LYPLA1: variants seen among roughly 807,000 people sequenced by gnomAD.
LYPLA1 encodes the protein acyl-protein thioesterase 1.
In LYPLA1, 17 loss-of-function variants were observed where a neutral mutation model predicts 34.0. The observed-to-expected ratio is 0.50, with a 90% confidence interval of 0.34 to 0.75. The LOEUF is 0.75. LYPLA1 is among the 30% of genes least tolerant of loss of function. LYPLA1 has a pLI of 0.01. For synonymous variants in LYPLA1, 98 were observed against 100.8 expected, an observed-to-expected ratio of 0.97 and a Z score of 0.17; for missense variants, 203 against 288.8, an observed-to-expected ratio of 0.70 and a Z score of 2.15.
At chr8:54,055,950 T>G (rs1355014996) in intron 5 of LYPLA1, among the ~76,000 whole-genome samples, 1 of 152,086 alleles carries the variant, frequency 6.6e-6, no homozygotes, top group African/African-American at 2.4e-5. Context: ...CCCCTAAAAT[T>G]TATATGGAAT....
At chr8:54,092,186 GGGA>G (rs955935395) in intron 2 of LYPLA1, among the ~76,000 whole-genome samples, 3 of 151,048 alleles carry the variant, frequency 2.0e-5, no homozygotes, top group Admixed American at 1.3e-4. Context: ...CGAAGTCAGG[GGGA>G]GGAGGAGGAG....
rs974921561 is a variant in LYPLA1 at position 54,070,380 on chromosome 8, C to T, written c.102-4567G>A. ...CAAATGTTCTTTTTTAGCAGTATTA[C>T]GCAACTTCAAGGTGCAAACAACCCA... On this transcript the variant is annotated intron_variant, in intron 2 of 8. Transcript: ENST00000316963. 6.6e-5 allele frequency among the ~76,000 whole-genome samples: 10 copies of T among 152,076 alleles called. No homozygotes were observed. In the East Asian group the frequency reaches 9.6e-4, roughly 15 times the overall value.
intron 7 of LYPLA1, 64 bp downstream of exon 7, chr8:54,052,591 C>G: frequency 9.7e-7 from 1 of 1,028,282 alleles, no homozygotes; most frequent in South Asian, 1.4e-5. Context: ...GACTTTATCT[C>G]CAACAATATC....
downstream of LYPLA1, among the ~76,000 whole-genome samples, chr8:54,043,820 CAA>C (rs1380952049): frequency 6.6e-6 from 1 of 152,146 alleles, no homozygotes; most frequent in Non-Finnish European, 1.5e-5. Context: ...CTTGGCCTCT[CAA>C]AGTGCTGGGA....
At chr8:54,065,307 A>T (rs1806968403) in intron 3 of LYPLA1, among the ~76,000 whole-genome samples, 1 of 151,976 alleles carries the variant, frequency 6.6e-6, no homozygotes, top group Non-Finnish European at 1.5e-5. Context: ...AACATACAAA[A>T]ATTAGCTGGG....
intron 4 of LYPLA1, among the ~76,000 whole-genome samples, 175 bp from the exon 5 acceptor site, chr8:54,062,499 A>T (rs1475887184): frequency 6.8e-6 from 1 of 146,690 alleles, no homozygotes; most frequent in Admixed American, 6.7e-5. Flanking sequence ...CTATTTATTT[A>T]TTTATTTATT....
rs1806112441 is a variant in LYPLA1 at position 54,055,081 on chromosome 8, A to C, written c.339T>G (p.Ile113Met). The change falls in exon 6 of 9, where the codon ATT becomes ATG. Residue 113 changes from isoleucine (I) to methionine (M), a missense_variant. Around this residue, in one of 3 missense-constraint regions of LYPLA1, gnomAD observed 123 missense variants for 199.2 expected, o/e 0.62. Coordinates refer to ENST00000316963, the MANE Select transcript of LYPLA1 (RefSeq NM_006330.4). ...EVKNGIPSNR[I>M]ILGGFSQGGA... ...TTACCTGAGAAAACCCTCCCAAAAT[A>C]ATTCTGTTAGAAGGAATGCCATTCT... 1 of 1,608,316 alleles carries C rather than the reference A, an allele frequency of 6.2e-7. No individual in the cohort carries two copies.
At chr8:54,065,918 C>T in intron 2 of LYPLA1, 105 bp from the exon 3 acceptor site, 1 of 758,534 alleles carries the variant, frequency 1.3e-6, no homozygotes, top group South Asian at 1.6e-5. Context: ...AATGTTAAAT[C>T]CTAAAAATAT....
At chr8:54,048,671 C>T (rs936699670) in intron 8 of LYPLA1, among the ~76,000 whole-genome samples, 1 of 152,186 alleles carries the variant, frequency 6.6e-6, no homozygotes, top group Non-Finnish European at 1.5e-5. Flanking sequence ...GCATTTGGCT[C>T]AGTTTTCTCA....
At chr8:54,101,390 TAA>T in intron 1 of LYPLA1, 1 of 1,054,676 alleles carries the variant, frequency 9.5e-7, no homozygotes, top group South Asian at 4.3e-5. Flanking sequence ...TCATTGAGGA[TAA>T]GAGTGCGAGG....
At chr8:54,061,980 C>G (rs1457320033) in intron 5 of LYPLA1, among the ~76,000 whole-genome samples, 3 of 152,046 alleles carry the variant, frequency 2.0e-5, no homozygotes, top group Middle Eastern at 3.2e-3. Context: ...TTCATCCTCT[C>G]AAGTGGCTGG....
chr8:54,096,614 G>A (rs182598262), intron 2 of LYPLA1, among the ~76,000 whole-genome samples: 122 of 152,094 alleles, frequency 8.0e-4, no homozygotes, highest in East Asian at 1.5e-3. Context: ...GTGGTGGCAC[G>A]TGCCTGTAAT....
chr8:54,078,107 C>T (rs1252688240), intron 2 of LYPLA1, among the ~76,000 whole-genome samples: 1 of 152,008 alleles, frequency 6.6e-6, no homozygotes, highest in African/African-American at 2.4e-5. Flanking sequence ...TGCACCACCA[C>T]GCCCTGCTAA....
chr8:54,098,495 A>G (rs1348994657), intron 2 of LYPLA1, among the ~76,000 whole-genome samples: 1 of 152,166 alleles, frequency 6.6e-6, no homozygotes, highest in East Asian at 1.9e-4. Context: ...CCTGGCCAAC[A>G]TGGCAAAACC....
At chr8:54,050,253 C>A (rs372940826) in intron 8 of LYPLA1, among the ~76,000 whole-genome samples, 1 of 152,154 alleles carries the variant, frequency 6.6e-6, no homozygotes, top group Non-Finnish European at 1.5e-5. Flanking sequence ...CTGTTTCTTG[C>A]ACCTACTTTT....
intron 5 of LYPLA1, among the ~76,000 whole-genome samples, chr8:54,058,612 CTCTG>C (rs891688824): frequency 1.3e-5 from 2 of 151,314 alleles, no homozygotes; most frequent in Non-Finnish European, 2.9e-5. Context: ...GTGTCTCTGT[CTCTG>C]TCTCTCTCTC....
At chr8:54,086,492 A>C (rs1467461621) in intron 2 of LYPLA1, among the ~76,000 whole-genome samples, 2 of 139,986 alleles carry the variant, frequency 1.4e-5, no homozygotes, top group East Asian at 3.9e-4. Context: ...CCCCCGCCCA[A>C]AAAAAGGAAC....
intron 7 of LYPLA1, among the ~76,000 whole-genome samples, chr8:54,051,586 T>A (rs533426727): frequency 4.5e-4 from 68 of 152,202 alleles, no homozygotes; most frequent in Non-Finnish European, 6.2e-4. Context: ...TAGCTGGGAT[T>A]ACAGGCACGT....
chr8:54,088,860 T>C (rs1024039198), intron 2 of LYPLA1, among the ~76,000 whole-genome samples: 1 of 152,312 alleles, frequency 6.6e-6, no homozygotes, highest in Admixed American at 6.5e-5. Context: ...TACAGGTGCA[T>C]GACACCATGC....
Sources: gnomAD v4.1 joint callset for allele counts (sites outside exome capture counted in the v4.1 genomes callset) on GRCh38, gnomAD v4.1.1 for gene constraint, gnomAD v4.1.1 regional missense constraint, MANE v1.5 for transcripts, NCBI Gene and HGNC (gene_info 2026-07-23, HGNC 2026-07-21) for gene names.